The following ARHGAP15 variants were observed in gnomAD, a reference collection of about 807,000 sequenced individuals.
ARHGAP15 encodes Rho GTPase activating protein 15.
ARHGAP15 carries 51 observed loss-of-function variants against 63.7 expected under a neutral mutation model. The ratio of observed to expected loss-of-function variants is 0.80; its 90% CI spans 0.64 to 1.01. The LOEUF is 1.01. ARHGAP15 is among the 50% of genes least tolerant of loss of function. The pLI, the probability that ARHGAP15 is intolerant of heterozygous loss-of-function variation, is 0.00. For synonymous variants in ARHGAP15, 191 were observed against 193.8 expected, an observed-to-expected ratio of 0.99 and a Z score of 0.12; for missense variants, 560 against 564.6, an observed-to-expected ratio of 0.99 and a Z score of 0.08.
intron 6 of ARHGAP15, among the ~76,000 whole-genome samples, chr2:143,260,978 C>T (rs945207625): frequency 1.3e-5 from 2 of 152,116 alleles, no homozygotes; most frequent in African/African-American, 4.8e-5. Flanking sequence ...TATAAAATTT[C>T]AACTAAATTA....
At chr2:143,669,301 C>T (rs1337324904) in intron 12 of ARHGAP15, among the ~76,000 whole-genome samples, 1 of 152,168 alleles carries the variant, frequency 6.6e-6, no homozygotes, top group Admixed American at 6.5e-5. Flanking sequence ...CTTCCTTACC[C>T]ACTGTACTAT....
At chr2:143,726,506 C>A (rs1685286366) in intron 13 of ARHGAP15, among the ~76,000 whole-genome samples, 1 of 151,994 alleles carries the variant, frequency 6.6e-6, no homozygotes, top group Non-Finnish European at 1.5e-5. Flanking sequence ...TTGTGGGTAC[C>A]ACACCCACAC....
Position 143,153,871 on chromosome 2 carries a change from T to TC in ARHGAP15, c.-14-1605dup, listed in dbSNP as rs1558779810. On this transcript the variant is annotated intron_variant, in intron 1 of 13. Transcript: ENST00000295095. ...CTCCTCCTCCTCCTCCTCCTCCTCC[T>TC]CTTCCTCCTCCTCCTCCTCCTCCTC... Among the ~76,000 whole-genome samples the TC allele has an allele frequency of 1.4e-3, 117 of 82,932 alleles. 1 individual carries two copies. Among genetic ancestry groups the TC allele is most frequent in the East Asian group, 2.7e-3 (9 of 3,302 alleles). The allele number at this position is 82,932 out of a possible 152,430, so 54.4% of individuals were successfully genotyped here.
intron 6 of ARHGAP15, among the ~76,000 whole-genome samples, chr2:143,420,391 T>C (rs569409283): frequency 6.6e-6 from 1 of 152,290 alleles, no homozygotes; most frequent in African/African-American, 2.4e-5. Context: ...TTGAGATAGC[T>C]GGGGGAATTG....
At chr2:143,392,751 A>G (rs565059726) in intron 6 of ARHGAP15, among the ~76,000 whole-genome samples, 1 of 152,328 alleles carries the variant, frequency 6.6e-6, no homozygotes, top group South Asian at 2.1e-4. Context: ...TTGGGAGTAT[A>G]GAAAAAATTC....
chr2:143,336,455 C>A (rs778853928), intron 6 of ARHGAP15, among the ~76,000 whole-genome samples: 1 of 152,092 alleles, frequency 6.6e-6, no homozygotes, highest in African/African-American at 2.4e-5. Context: ...TGACGGAGGG[C>A]AGTTCATCCT....
chr2:143,664,909 A>G (rs1682070499), intron 12 of ARHGAP15, among the ~76,000 whole-genome samples: 1 of 152,000 alleles, frequency 6.6e-6, no homozygotes, highest in African/African-American at 2.4e-5. Context: ...AGGAGCTGAA[A>G]TTGTGGCAAT....
chr2:143,284,436 T>C (rs1681997597), intron 6 of ARHGAP15, among the ~76,000 whole-genome samples: 1 of 152,216 alleles, frequency 6.6e-6, no homozygotes, highest in Non-Finnish European at 1.5e-5. Context: ...ATATGAAGTT[T>C]ATATATGAGT....
chr2:143,392,294 G>T (rs934308590), intron 6 of ARHGAP15, among the ~76,000 whole-genome samples: 1 of 152,172 alleles, frequency 6.6e-6, no homozygotes, highest in Non-Finnish European at 1.5e-5. Flanking sequence ...GTATATAATA[G>T]AAAATATTTT....
chr2:143,413,022 A>G (rs778288501), intron 6 of ARHGAP15, among the ~76,000 whole-genome samples: 1 of 152,086 alleles, frequency 6.6e-6, no homozygotes, highest in Non-Finnish European at 1.5e-5. Context: ...TCTTACTTAT[A>G]TTTTGAAAAT....
chr2:143,694,830 G>C (rs1339529878), intron 12 of ARHGAP15, among the ~76,000 whole-genome samples: 18 of 152,202 alleles, frequency 1.2e-4, no homozygotes, highest in Admixed American at 1.2e-3. Context: ...TAAGGATAAA[G>C]TTTAATATGC....
chr2:143,480,543 C>T (rs186430546), intron 8 of ARHGAP15, among the ~76,000 whole-genome samples: 1 of 152,202 alleles, frequency 6.6e-6, no homozygotes. Flanking sequence ...TTAAAGTGCC[C>T]AGCATTCCCT....
intron 6 of ARHGAP15, among the ~76,000 whole-genome samples, chr2:143,388,097 A>G (rs1030881087): frequency 2.0e-5 from 3 of 152,320 alleles, no homozygotes; most frequent in Non-Finnish European, 2.9e-5. Flanking sequence ...TGGTATGCCT[A>G]TGTTACTGTG....
chr2:143,458,763 T>C (rs568593342), intron 8 of ARHGAP15, among the ~76,000 whole-genome samples: 60 of 152,188 alleles, frequency 3.9e-4, no homozygotes, highest in Non-Finnish European at 8.4e-4. Flanking sequence ...ATGACTCAGC[T>C]GTTTTGACAT....
At chr2:143,199,722 T>C (rs1692030185) in intron 2 of ARHGAP15, among the ~76,000 whole-genome samples, 1 of 152,008 alleles carries the variant, frequency 6.6e-6, no homozygotes, top group Non-Finnish European at 1.5e-5. Flanking sequence ...AAATGTAGCA[T>C]CTAGAAAAGA....
At chr2:143,752,119 G>T (rs1288916981) in intron 13 of ARHGAP15, among the ~76,000 whole-genome samples, 1 of 152,004 alleles carries the variant, frequency 6.6e-6, no homozygotes, top group African/African-American at 2.4e-5. Context: ...CCTCAACCCT[G>T]CCACTTGTTA....
At chr2:143,749,974 T>A (rs1021314620) in intron 13 of ARHGAP15, among the ~76,000 whole-genome samples, 4 of 152,160 alleles carry the variant, frequency 2.6e-5, no homozygotes. Flanking sequence ...GTGAAGCTTT[T>A]TAGCAACTCT....
intron 6 of ARHGAP15, among the ~76,000 whole-genome samples, chr2:143,303,322 AC>A (rs1269552143): frequency 6.6e-6 from 1 of 152,020 alleles, no homozygotes; most frequent in Non-Finnish European, 1.5e-5. Flanking sequence ...GAAAAAACCA[AC>A]CCCATCAAAA....
At chr2:143,470,726 A>G (rs950578330) in intron 8 of ARHGAP15, among the ~76,000 whole-genome samples, 1 of 139,702 alleles carries the variant, frequency 7.2e-6, no homozygotes, top group Non-Finnish European at 1.6e-5. Flanking sequence ...CTGGGTAAGC[A>G]TCCAAACCTG....
Sources: allele counts gnomAD v4.1 joint callset (sites outside exome capture counted in the v4.1 genomes callset), GRCh38; gene constraint gnomAD v4.1.1; transcripts MANE v1.5; gene names NCBI Gene and HGNC (gene_info 2026-07-23, HGNC 2026-07-21).